The following FAIM2 variants were observed in gnomAD, a reference collection of about 807,000 sequenced individuals.
FAIM2 encodes the protein protein lifeguard 2.
In FAIM2, 27 loss-of-function variants were observed where a neutral mutation model predicts 47.4. The ratio of observed to expected loss-of-function variants is 0.57; its 90% confidence interval spans 0.42 to 0.78. The LOEUF (loss-of-function observed/expected upper bound fraction) is 0.78. Ranked by LOEUF, FAIM2 falls within the 30% of genes least tolerant of loss-of-function variation. The probability of loss-of-function intolerance (pLI) is 0.00; values close to 1 mark genes in which losing one functional copy is unlikely to be tolerated. For missense variants in FAIM2, 311 were observed against 389.4 expected (o/e 0.80, Z 1.69); for synonymous variants, 156 against 159.3 (o/e 0.98, Z 0.16).
At chr12:49,878,816 G>C (rs1946770088) in intron 11 of FAIM2, among the ~76,000 whole-genome samples, 2 of 74,952 alleles carry the variant, frequency 2.7e-5, no homozygotes, top group African/African-American at 1.7e-4. Flanking sequence ...GCATGTGAAT[G>C]TGTGTATATG....
intron 11 of FAIM2, among the ~76,000 whole-genome samples, chr12:49,879,876 ATGTG>A (rs1384354222): frequency 8.6e-6 from 1 of 116,608 alleles, no homozygotes; most frequent in Non-Finnish European, 1.9e-5. Context: ...ATGTACGTGT[ATGTG>A]TATGTGTGCA....
At chr12:49,889,024 G>T in intron 10 of FAIM2, 83 bp downstream of exon 10, 1 of 1,011,276 alleles carries the variant, frequency 9.9e-7, no homozygotes, top group Non-Finnish European at 1.5e-6. Context: ...GGCCTTCCCT[G>T]GCGGATAGGG....
rs1456204497 is a variant in FAIM2, at chr12:49,879,058, A to C, written c.801+8328T>G. On this transcript the variant is annotated intron_variant, in intron 11 of 11. Coordinates refer to ENST00000320634, the MANE Select transcript of FAIM2 (RefSeq NM_012306.4). ...TGTGTGCATGAGTTTGTGTATGTGC[A>C]TGTATGTATATGTGCATGTGTATGT... Among the ~76,000 whole-genome samples the C allele has an allele frequency of 7.7e-5, 10 of 130,088 alleles. 3 individuals are homozygous for C. The South Asian group carries it at 2.7e-3, about 35-fold the overall frequency. The allele number at this position is 130,088 out of a possible 152,430, so 85.3% of individuals were successfully genotyped here. A position where few individuals can be genotyped will look rare whatever the true frequency, so the allele number is the denominator to read the frequency against.
At chr12:49,893,163 G>A (rs17124080) in intron 5 of FAIM2, among the ~76,000 whole-genome samples, 1 of 152,130 alleles carries the variant, frequency 6.6e-6, no homozygotes, top group East Asian at 1.9e-4. Context: ...TGACTTCCCT[G>A]TATAAAATTC....
rs529610978 is a variant in FAIM2, at chr12:49,874,523, G to C, written c.802-3870C>G. Among the ~76,000 whole-genome samples, 198 of 152,290 alleles carry C rather than the reference G, an allele frequency of 1.3e-3. No individual in the cohort carries two copies. The highest frequency in any genetic ancestry group is 4.3e-3 in the African/African-American group (179 of 41,556). On this transcript the variant is annotated intron_variant, in intron 11 of 11. Coordinates refer to ENST00000320634, the MANE Select transcript of FAIM2 (RefSeq NM_012306.4). The surrounding 1 kb of genome is among the most constrained non-coding windows in gnomAD (Gnocchi z 4.2). ...CTGGCCAGTGCTAAACCTGGCCGGG[G>C]ACCCCAGCCACACATTTGGCCTGAC...
intron 2 of FAIM2, among the ~76,000 whole-genome samples, chr12:49,899,611 G>A (rs1283616210): frequency 6.6e-6 from 1 of 152,164 alleles, no homozygotes; most frequent in African/African-American, 2.4e-5. Context: ...CTCTTCACCA[G>A]ACTAACTCAT....
rs528571722 is a variant in FAIM2, at chr12:49,874,237, C to T, written c.802-3584G>A. ...GGCAGGAGGCCCCCTGGGACAAGGA[C>T]GCTATTAACTTACATCTGAAGAGTC... On this transcript the variant is annotated intron_variant, in intron 11 of 11. Coordinates refer to ENST00000320634, the MANE Select transcript of FAIM2 (RefSeq NM_012306.4). This position sits in a 1 kb window ranked among gnomAD's most constrained non-coding sequence, Gnocchi z 4.2. Among the ~76,000 whole-genome samples the T allele has an allele frequency of 1.4e-4, 21 of 152,284 alleles. No homozygotes were observed. Among genetic ancestry groups the T allele is most frequent in the Admixed American group, 9.8e-4 (15 of 15,302 alleles).
intron 11 of FAIM2, among the ~76,000 whole-genome samples, chr12:49,883,448 T>C (rs932595433): frequency 1.3e-5 from 2 of 151,750 alleles, no homozygotes; most frequent in Non-Finnish European, 2.9e-5. Context: ...GCATTTGTCC[T>C]GAGTGACAGG....
intron 8 of FAIM2, 49 bp from the exon 9 acceptor site, chr12:49,889,617 C>T: frequency 6.8e-7 from 1 of 1,461,758 alleles, no homozygotes; most frequent in East Asian, 2.3e-5. Context: ...GGCATCTGGT[C>T]TCCCCCACCC....
chr12:49,896,590 GAAC>G (rs946111419), intron 5 of FAIM2, among the ~76,000 whole-genome samples: 56 of 152,350 alleles, frequency 3.7e-4, no homozygotes, highest in African/African-American at 1.3e-3. Context: ...CAAGCACACA[GAAC>G]AATACCCAGC....
intron 11 of FAIM2, among the ~76,000 whole-genome samples, chr12:49,881,063 A>G (rs1434490118): frequency 1.3e-5 from 2 of 152,178 alleles, no homozygotes; most frequent in East Asian, 1.9e-4. Flanking sequence ...TCAGTGGTCA[A>G]CATCGGAACT....
chr12:49,876,408 A>C (rs569117945), intron 11 of FAIM2, among the ~76,000 whole-genome samples: 1 of 152,300 alleles, frequency 6.6e-6, no homozygotes, highest in Admixed American at 6.5e-5. Context: ...CATTTAGATG[A>C]CCAGATTTTG....
chr12:49,873,300 T>G (rs1946715240), intron 11 of FAIM2, among the ~76,000 whole-genome samples: 1 of 151,880 alleles, frequency 6.6e-6, no homozygotes, highest in South Asian at 2.1e-4. Context: ...CACGGTGTGG[T>G]TTTGAGGGTA....
chr12:49,881,962 G>A (rs1417117115), intron 11 of FAIM2, among the ~76,000 whole-genome samples: 3 of 152,266 alleles, frequency 2.0e-5, no homozygotes, highest in African/African-American at 7.2e-5. Context: ...GAGAGGGGCT[G>A]ATGTTTCTGG....
Position 49,868,825 on chromosome 12 carries a change from C to T in FAIM2, c.*1679G>A, listed in dbSNP as rs879767818. 6.6e-6 allele frequency: 1 copy of T among 152,338 alleles called. No homozygotes were observed. Among genetic ancestry groups the T allele is most frequent in the Non-Finnish European group, 1.5e-5 (1 of 68,138 alleles). The allele number at this position is 152,338 out of a possible 1,614,324, so 9.4% of individuals were successfully genotyped here. On this transcript the variant is annotated 3_prime_UTR_variant, in exon 12 of 12. Coordinates refer to ENST00000320634, the MANE Select transcript of FAIM2 (RefSeq NM_012306.4). ...GGCATCTCACCCGTGCCCCCAATGCCTTTGCTGCACACACACCACCCGCCA... is the reference window on the plus strand; with the variant it reads ...GGCATCTCACCCGTGCCCCCAATGCTTTTGCTGCACACACACCACCCGCCA...
chr12:49,896,820 T>C (rs1001419955), intron 5 of FAIM2, among the ~76,000 whole-genome samples: 17 of 152,156 alleles, frequency 1.1e-4, no homozygotes, highest in Non-Finnish European at 5.9e-5. Context: ...GTCTCCTTTG[T>C]GCCCCATCAG....
intron 11 of FAIM2, among the ~76,000 whole-genome samples, chr12:49,876,581 G>C (rs12146733): frequency 0.28 from 41,792 of 150,260 alleles, 6,882 homozygotes; most frequent in Non-Finnish European, 0.36. Context: ...GGCTAACATG[G>C]GGAAACCCCG....
intron 3 of FAIM2, among the ~76,000 whole-genome samples, 180 bp from the exon 4 acceptor site, chr12:49,897,763 C>A (rs887921751): frequency 8.2e-6 from 1 of 121,518 alleles, no homozygotes. Flanking sequence ...GAGCCAAGCG[C>A]ACCCCCCCCC....
chr12:49,903,198 C>G (rs967228267), intron 1 of FAIM2, among the ~76,000 whole-genome samples: 1 of 152,264 alleles, frequency 6.6e-6, no homozygotes, highest in Non-Finnish European at 1.5e-5. Flanking sequence ...TCATCCGGAC[C>G]CATCCATGCC....
Sources: allele counts gnomAD v4.1 joint callset (sites outside exome capture counted in the v4.1 genomes callset), GRCh38; gene constraint gnomAD v4.1.1; non-coding constraint Gnocchi (gnomAD v3.1); transcripts MANE v1.5; gene names NCBI Gene and HGNC (gene_info 2026-07-23, HGNC 2026-07-21).